Variants in TOPBP1 observed in about 807,000 individuals in gnomAD.
The protein encoded by TOPBP1 is DNA topoisomerase 2-binding protein 1.
TOPBP1 carries 28 observed loss-of-function variants against 167.7 expected under a neutral mutation model. The ratio of observed to expected loss-of-function variants is 0.17; its 90% CI spans 0.12 to 0.23. The LOEUF is 0.23. Ranked by LOEUF, TOPBP1 falls within the 10% of genes least tolerant of loss-of-function variation. The probability of loss-of-function intolerance (pLI) is 1.00; values close to 1 mark genes in which losing one functional copy is unlikely to be tolerated. For missense variants in TOPBP1, 1,554 were observed against 1,809.6 expected (o/e 0.86, Z 2.56); for synonymous variants, 598 against 611.4 (o/e 0.98, Z 0.32).
intron 27 of TOPBP1, among the ~76,000 whole-genome samples, 196 bp from the exon 28 acceptor site, chr3:133,601,589 G>A (rs1351318731): frequency 6.6e-6 from 1 of 152,136 alleles, no homozygotes; most frequent in Non-Finnish European, 1.5e-5. Flanking sequence ...TTTTATCAAA[G>A]AAATACGTGT....
chr3:133,609,608 G>C (rs1232216176), intron 25 of TOPBP1, among the ~76,000 whole-genome samples: 2 of 152,152 alleles, frequency 1.3e-5, no homozygotes, highest in East Asian at 3.9e-4. Context: ...CCCTCATGCT[G>C]TTCTCCTGAT....
At chr3:133,645,023 T>C (rs1419157367) in intron 10 of TOPBP1, among the ~76,000 whole-genome samples, 2 of 152,218 alleles carry the variant, frequency 1.3e-5, no homozygotes, top group Non-Finnish European at 2.9e-5. Flanking sequence ...GAAGAGGTTA[T>C]GTAACTTGCC....
In TOPBP1 at chr3:133,655,450, A is replaced by G; in HGVS notation, c.582T>C (p.Asp194=). 1 of 1,593,258 alleles carries G rather than the reference A, an allele frequency of 6.3e-7. No individual in the cohort carries two copies. The highest frequency in any genetic ancestry group is 8.5e-7 in the Non-Finnish European group (1 of 1,170,572). Residue 194 remains aspartate, a synonymous_variant, in exon 6 of 28, where the codon GAT becomes GAC. Coordinates refer to ENST00000260810, the MANE Select transcript of TOPBP1 (RefSeq NM_007027.4). The part of the protein sequence containing the change: ...ITRYTDINME[D]FKCPIFLGCI... ...AACCAAGAAAAATAGGACACTTGAAATCTTCCATGTTTATATCAGTATATC... is the reference window on the plus strand; with the variant it reads ...AACCAAGAAAAATAGGACACTTGAAGTCTTCCATGTTTATATCAGTATATC...
At chr3:133,602,174 T>C (rs1934327767) in intron 27 of TOPBP1, among the ~76,000 whole-genome samples, 1 of 152,114 alleles carries the variant, frequency 6.6e-6, no homozygotes, top group South Asian at 2.1e-4. Context: ...AAATGACACA[T>C]TGAATACAAG....
In TOPBP1 at chr3:133,618,203, T is replaced by C. The variant is rs760541167; in HGVS notation, c.3592+10A>G. 6.2e-7 allele frequency: 1 copy of C among 1,606,062 alleles called. No homozygotes were observed. Among genetic ancestry groups the C allele is most frequent in the Non-Finnish European group, 8.5e-7 (1 of 1,172,848 alleles). On this transcript the variant is annotated intron_variant, in intron 21 of 27. Transcript: ENST00000260810. The stretch of plus-strand genomic sequence containing the variant: ...AATACAAACAAATGCAAAGATTTCT[T>C]TCTTGTTACCCTGTTTAGCAATTTC...
At chr3:133,627,874 TAA>T (rs34576478) in intron 16 of TOPBP1, among the ~76,000 whole-genome samples, 3 of 143,906 alleles carry the variant, frequency 2.1e-5, no homozygotes, top group Admixed American at 6.9e-5. Context: ...CTCCAAAGTT[TAA>T]AAAAAAAAAA....
chr3:133,659,410 C>A (rs920769432), intron 2 of TOPBP1, among the ~76,000 whole-genome samples: 2 of 152,160 alleles, frequency 1.3e-5, no homozygotes, highest in African/African-American at 4.8e-5. Context: ...GTCTTCACAC[C>A]ACACCCAGAA....
Position 133,623,416 on chromosome 3 carries a change from T to C in TOPBP1, c.2970A>G (p.Pro990=), listed in dbSNP as rs1226629968. The C allele has an allele frequency of 1.9e-6, 3 of 1,612,800 alleles. No homozygotes were observed. Among genetic ancestry groups the C allele is most frequent in the Admixed American group, 3.3e-5 (2 of 59,836 alleles). The change falls in exon 18 of 28, where the codon CCA becomes CCG. Residue 990 remains proline (P), a synonymous_variant. Coordinates refer to ENST00000260810, the MANE Select transcript of TOPBP1 (RefSeq NM_007027.4). ...AGCTCATTTTGGGATTATAAGTATG[T>C]GGATAAAGAGATTCAGGAAGATGTT... ...ECKHLPESLY[P]HTYNPKMSLD...
intron 23 of TOPBP1, among the ~76,000 whole-genome samples, chr3:133,615,139 T>C (rs1233619219): frequency 2.0e-5 from 3 of 151,950 alleles, no homozygotes; most frequent in African/African-American, 4.8e-5. Flanking sequence ...TTAAATAACA[T>C]TTAATCTTTT....
intron 13 of TOPBP1, 102 bp from the exon 14 acceptor site, chr3:133,638,264 C>T: frequency 8.8e-7 from 1 of 1,138,210 alleles, no homozygotes; most frequent in Middle Eastern, 2.9e-4. Flanking sequence ...TCCTTTCTTT[C>T]TTGCATAACT....
intron 14 of TOPBP1, among the ~76,000 whole-genome samples, chr3:133,630,974 C>T (rs1025161986): frequency 2.0e-5 from 3 of 152,162 alleles, no homozygotes; most frequent in Non-Finnish European, 4.4e-5. Flanking sequence ...GCAGAACTGC[C>T]TGAGCCCAGG....
chr3:133,649,244 A>G, intron 10 of TOPBP1, 139 bp downstream of exon 10: 1 of 1,205,076 alleles, frequency 8.3e-7, no homozygotes, highest in Non-Finnish European at 1.1e-6. Context: ...TCAGAAAAAA[A>G]GTTATGAGGA....
At chr3:133,660,066 A>G (rs1218759088) in intron 2 of TOPBP1, among the ~76,000 whole-genome samples, 1 of 152,110 alleles carries the variant, frequency 6.6e-6, no homozygotes, top group Non-Finnish European at 1.5e-5. Context: ...ACTACACAAC[A>G]GTACACTAAA....
intron 24 of TOPBP1, 50 bp from the exon 25 acceptor site, chr3:133,611,191 T>G (rs749098682): frequency 1.7e-5 from 26 of 1,573,486 alleles, no homozygotes; most frequent in Non-Finnish European, 2.2e-5. Flanking sequence ...GGGGAGCCAC[T>G]GTGCAACATA....
chr3:133,626,471 T>G (rs896482388), intron 16 of TOPBP1, among the ~76,000 whole-genome samples: 1 of 152,324 alleles, frequency 6.6e-6, no homozygotes, highest in African/African-American at 2.4e-5. Flanking sequence ...CAAATTCACG[T>G]ATGTAAAAAA....
chr3:133,661,004 G>A, intron 2 of TOPBP1, 40 bp downstream of exon 2: 1 of 1,447,690 alleles, frequency 6.9e-7, no homozygotes, highest in South Asian at 1.3e-5. Flanking sequence ...TTAAAAACAA[G>A]AAAATGAATT....
chr3:133,637,758 A>T, intron 14 of TOPBP1, 118 bp downstream of exon 14: 1 of 1,056,386 alleles, frequency 9.5e-7, no homozygotes, highest in Non-Finnish European at 1.3e-6. Flanking sequence ...ACATAAATCT[A>T]CTTGCCAATG....
At chr3:133,650,690 C>T (rs1440513046) in intron 8 of TOPBP1, among the ~76,000 whole-genome samples, 1 of 151,942 alleles carries the variant, frequency 6.6e-6, no homozygotes, top group Non-Finnish European at 1.5e-5. Context: ...CATTTATACC[C>T]CAAATTAAAT....
At chr3:133,642,723 T>C (rs1474414151) in intron 12 of TOPBP1, among the ~76,000 whole-genome samples, 1 of 152,258 alleles carries the variant, frequency 6.6e-6, no homozygotes, top group Non-Finnish European at 1.5e-5. Flanking sequence ...TACAGTCTTA[T>C]CATTCCTTAT....
Sources: gnomAD v4.1 joint callset for allele counts (sites outside exome capture counted in the v4.1 genomes callset) on GRCh38, gnomAD v4.1.1 for gene constraint, MANE v1.5 for transcripts, NCBI Gene and HGNC (gene_info 2026-07-23, HGNC 2026-07-21) for gene names.